The following MTHFD1 variants were observed in gnomAD, a reference collection of about 807,000 sequenced individuals.
MTHFD1 encodes the protein C-1-tetrahydrofolate synthase, cytoplasmic.
Under a neutral mutation model 110.3 loss-of-function variants are expected in MTHFD1, and 44 were observed. The ratio of observed to expected loss-of-function variants is 0.40; its 90% CI spans 0.31 to 0.51. MTHFD1 has a LOEUF of 0.51. MTHFD1 is among the 20% of genes least tolerant of loss of function. The pLI, the probability that MTHFD1 is intolerant of heterozygous loss-of-function variation, is 0.60. For synonymous variants in MTHFD1, 402 were observed against 428.8 expected, an observed-to-expected ratio of 0.94 and a Z score of 0.77; for missense variants, 909 against 1,173.1, an observed-to-expected ratio of 0.77 and a Z score of 3.29.
chr14:64,457,925 G>A, intron 26 of MTHFD1: 1 of 526,234 alleles, frequency 1.9e-6, no homozygotes, highest in Non-Finnish European at 3.4e-6. Flanking sequence ...TTTAGACATG[G>A]CCTTGCTCTG....
intron 22 of MTHFD1, among the ~76,000 whole-genome samples, chr14:64,446,180 G>A (rs2078287892): frequency 6.6e-6 from 1 of 152,148 alleles, no homozygotes; most frequent in Admixed American, 6.5e-5. Flanking sequence ...TAATATATGT[G>A]AGTTGAGTCC....
At position 64,424,290 on chromosome 14, in the gene MTHFD1, T is replaced by C. The variant is rs780464342; in HGVS notation, c.728-514T>C. ...TTGTGTCCTTTTAAGGGAAGTGTAA[T>C]TATATTCTTTGCCTTTAGCATACAT... On this transcript the variant is annotated intron_variant, in intron 8 of 27. Transcript: ENST00000652337. 5.5e-5 allele frequency: 10 copies of C among 183,450 alleles called. No homozygotes were observed. The South Asian group carries it at 1.1e-3, about 19-fold the overall frequency. The allele number at this position is 183,450 out of a possible 1,614,324, so 11.4% of individuals were successfully genotyped here.
chr14:64,445,401 T>C (rs2140978166), intron 22 of MTHFD1, among the ~76,000 whole-genome samples: 1 of 152,292 alleles, frequency 6.6e-6, no homozygotes, highest in South Asian at 2.1e-4. Context: ...AGAGAACAAC[T>C]GTGAGCTCAA....
intron 22 of MTHFD1, among the ~76,000 whole-genome samples, chr14:64,446,215 T>C (rs984483913): frequency 3.3e-5 from 5 of 152,256 alleles, no homozygotes; most frequent in African/African-American, 1.2e-4. Flanking sequence ...TGCATATTTC[T>C]CGACATTTAA....
In MTHFD1 at chr14:64,419,705, A is replaced by T. The variant is rs1425694058; in HGVS notation, c.616-109A>T. Reference sequence around the variant, plus strand: ...CCAATATCTTATGAAATAGCTTATGACACTTAAGAATTTAATACAAAGCTC... The same window carrying T: ...CCAATATCTTATGAAATAGCTTATGTCACTTAAGAATTTAATACAAAGCTC... On this transcript the variant is annotated intron_variant, in intron 7 of 27. Transcript: ENST00000652337. 9 of 779,538 alleles carry T rather than the reference A, an allele frequency of 1.2e-5. No individual in the cohort carries two copies. In the Admixed American group the frequency reaches 1.8e-4, roughly 16 times the overall value. 48.3% of individuals were successfully genotyped at this position (779,538 alleles called of 1,614,324 possible).
At chr14:64,401,625 C>T (rs890692020) in intron 2 of MTHFD1, among the ~76,000 whole-genome samples, 7 of 151,688 alleles carry the variant, frequency 4.6e-5, no homozygotes, top group Non-Finnish European at 1.0e-4. Context: ...ATCACTTGAA[C>T]CCGGGAGGTG....
intron 2 of MTHFD1, among the ~76,000 whole-genome samples, chr14:64,407,444 G>A (rs900973596): frequency 6.7e-6 from 1 of 149,546 alleles, no homozygotes; most frequent in Non-Finnish European, 1.5e-5. Flanking sequence ...CAGCCTGGGT[G>A]ACAGAGCAAG....
At chr14:64,439,060 C>A in intron 16 of MTHFD1, 36 bp from the exon 17 acceptor site, 1 of 1,516,882 alleles carries the variant, frequency 6.6e-7, no homozygotes, top group Non-Finnish European at 9.2e-7. Context: ...GGTCCTTTTA[C>A]TCAAAATCGT....
intron 16 of MTHFD1, 107 bp from the exon 17 acceptor site, chr14:64,438,989 G>T: frequency 1.2e-6 from 1 of 809,618 alleles, no homozygotes; most frequent in East Asian, 2.5e-5. Flanking sequence ...TTGAAATATT[G>T]ATAGACAATC....
intron 15 of MTHFD1, among the ~76,000 whole-genome samples, chr14:64,434,805 G>A (rs1237001658): frequency 2.0e-5 from 3 of 151,310 alleles, no homozygotes; most frequent in Non-Finnish European, 4.4e-5. Context: ...TTGAGCTTCT[G>A]GGAGCGATGA....
intron 25 of MTHFD1, among the ~76,000 whole-genome samples, chr14:64,454,279 ATTTTTGTGT>A (rs1300759378): frequency 6.6e-6 from 1 of 151,904 alleles, no homozygotes; most frequent in Non-Finnish European, 1.5e-5. Flanking sequence ...CACCTGGCTA[ATTTTTGTGT>A]TTTTTGTTGA....
At chr14:64,402,806 CA>C (rs59743260) in intron 2 of MTHFD1, among the ~76,000 whole-genome samples, 1 of 149,028 alleles carries the variant, frequency 6.7e-6, no homozygotes, top group Non-Finnish European at 1.5e-5. Context: ...GATCCTGTCT[CA>C]AAAAAAAATA....
intron 9 of MTHFD1, 135 bp downstream of exon 9, chr14:64,425,066 G>C: frequency 9.0e-7 from 1 of 1,116,372 alleles, no homozygotes; most frequent in Non-Finnish European, 1.3e-6. Flanking sequence ...GGGAAGGGAA[G>C]AATAGAGAAA....
At chr14:64,426,464 CTGTTGTTGT>C (rs571611271) in intron 11 of MTHFD1, among the ~76,000 whole-genome samples, 3 of 151,918 alleles carry the variant, frequency 2.0e-5, no homozygotes, top group South Asian at 2.1e-4. Flanking sequence ...TCACCTTTTG[CTGTTGTTGT>C]TGTTGTTGTT....
intron 12 of MTHFD1, among the ~76,000 whole-genome samples, chr14:64,429,104 G>C (rs1221185627): frequency 2.6e-5 from 4 of 150,986 alleles, no homozygotes; most frequent in African/African-American, 9.7e-5. Flanking sequence ...TGAGGTGGTA[G>C]ATTACTTGAG....
intron 25 of MTHFD1, 100 bp downstream of exon 25, chr14:64,453,961 A>C: frequency 1.3e-6 from 1 of 754,600 alleles, no homozygotes; most frequent in Non-Finnish European, 2.4e-6. Context: ...CCGTTGCTTC[A>C]CTTCTCTGGG....
chr14:64,404,949 A>G (rs975585528), intron 2 of MTHFD1, among the ~76,000 whole-genome samples: 6 of 149,404 alleles, frequency 4.0e-5, no homozygotes, highest in Non-Finnish European at 7.4e-5. Context: ...CCAGCCTAAG[A>G]CTCCGTCTCA....
At chr14:64,453,944 C>T in intron 25 of MTHFD1, 83 bp downstream of exon 25, 1 of 848,158 alleles carries the variant, frequency 1.2e-6, no homozygotes, top group South Asian at 1.4e-5. Flanking sequence ...CCAGCCCTGC[C>T]AAGTACCCGT....
intron 15 of MTHFD1, among the ~76,000 whole-genome samples, chr14:64,432,639 G>A (rs74616765): frequency 0.05 from 7,650 of 152,302 alleles, 275 homozygotes; most frequent in Non-Finnish European, 0.073. Flanking sequence ...CCATTTATAT[G>A]ATATTCTCAA....
Sources: allele counts gnomAD v4.1 joint callset (sites outside exome capture counted in the v4.1 genomes callset), GRCh38; gene constraint gnomAD v4.1.1; transcripts MANE v1.5; gene names NCBI Gene and HGNC (gene_info 2026-07-23, HGNC 2026-07-21).